TENM2: variants seen among roughly 807,000 people sequenced by gnomAD.
TENM2 encodes teneurin transmembrane protein 2, also known as teneurin-2.
A neutral mutation model predicts 245.2 loss-of-function variants in TENM2; 52 were observed. The ratio of observed to expected loss-of-function variants is 0.21; its 90% CI spans 0.17 to 0.27. The LOEUF (loss-of-function observed/expected upper bound fraction) is 0.27, where lower values mean the gene tolerates loss of function less well. Among genes scored for constraint, TENM2 ranks in the 10% least tolerant of loss-of-function variants. The pLI, the probability that TENM2 is intolerant of heterozygous loss-of-function variation, is 1.00. For synonymous variants in TENM2, 1,363 were observed against 1,438.9 expected (o/e 0.95, Z 1.19); for missense variants, 3,046 against 3,666.8 (o/e 0.83, Z 4.37).
At chr5:168,142,087 G>C (rs777632766) in intron 12 of TENM2, among the ~76,000 whole-genome samples, 1 of 152,228 alleles carries the variant, frequency 6.6e-6, no homozygotes, top group Non-Finnish European at 1.5e-5. Context: ...CCCAGAGAAA[G>C]AATGTCCATT....
intron 2 of TENM2, among the ~76,000 whole-genome samples, chr5:167,658,208 G>A (rs1417674674): frequency 1.3e-5 from 2 of 150,060 alleles, no homozygotes; most frequent in East Asian, 3.9e-4. Context: ...GCTGTGCGAA[G>A]CCTTTTTTTT....
intron 2 of TENM2, among the ~76,000 whole-genome samples, chr5:167,655,653 C>A (rs1379374187): frequency 1.3e-5 from 2 of 152,162 alleles, no homozygotes; most frequent in Non-Finnish European, 2.9e-5. Context: ...CAAAAATATT[C>A]ATAGATGTGT....
intron 2 of TENM2, among the ~76,000 whole-genome samples, chr5:167,678,724 CAGCAG>C (rs1221076084): frequency 2.0e-5 from 3 of 152,084 alleles, no homozygotes; most frequent in African/African-American, 4.8e-5. Flanking sequence ...GCCAGAATAG[CAGCAG>C]ACAAGACGCC....
chr5:167,782,495 G>A (rs959847192), intron 2 of TENM2, among the ~76,000 whole-genome samples: 3 of 152,040 alleles, frequency 2.0e-5, no homozygotes, highest in African/African-American at 7.2e-5. Flanking sequence ...GCCCTGGGAA[G>A]GTGAGATGGG....
chr5:167,118,934 A>T, the TENM2 span, among the ~76,000 whole-genome samples: 1 of 152,210 alleles, frequency 6.6e-6, no homozygotes, highest in Non-Finnish European at 1.5e-5. Flanking sequence ...GCTGACAAAG[A>T]CTTGGCTAGT....
chr5:167,894,921 AGAAGGAAGGAAGGAAGGAAGGAAGGAAG>A (rs368233260), intron 3 of TENM2, among the ~76,000 whole-genome samples: 54 of 82,956 alleles, frequency 6.5e-4, no homozygotes, highest in African/African-American at 2.1e-3. Context: ...CACCCTGGAA[AGAAGGAAGGAAGGAAGGAAGGAAGGAAG>A]GAAGGAAGGA....
At chr5:167,448,910 T>C (rs913764990) in intron 2 of TENM2, among the ~76,000 whole-genome samples, 4 of 152,048 alleles carry the variant, frequency 2.6e-5, no homozygotes, top group Admixed American at 6.6e-5. Context: ...TGCAAAAATA[T>C]AAAGGAAAAA....
At chr5:167,516,113 C>G (rs1770366710) in intron 2 of TENM2, among the ~76,000 whole-genome samples, 1 of 151,906 alleles carries the variant, frequency 6.6e-6, no homozygotes, top group Non-Finnish European at 1.5e-5. Flanking sequence ...ATATAATATT[C>G]AGGAAAAATG....
chr5:167,492,517 A>T (rs970910510), intron 2 of TENM2, among the ~76,000 whole-genome samples: 9 of 152,162 alleles, frequency 5.9e-5, no homozygotes, highest in African/African-American at 2.2e-4. Context: ...GGTTGTGAGC[A>T]AACAATTTCT....
chr5:167,210,997 A>G, the TENM2 span, among the ~76,000 whole-genome samples: 4 of 152,232 alleles, frequency 2.6e-5, no homozygotes, highest in East Asian at 5.8e-4. Context: ...GTGGGAAGTG[A>G]TGGACGCACA....
At chr5:167,261,263 A>G in the TENM2 span, among the ~76,000 whole-genome samples, 1 of 152,120 alleles carries the variant, frequency 6.6e-6, no homozygotes, top group South Asian at 2.1e-4. Context: ...CATATGACAC[A>G]GAGGTTATGT....
rs113934886 is a variant in TENM2 at position 168,089,478 on chromosome 5, C to T, written c.1516-1096C>T. Among the ~76,000 whole-genome samples, 575 of 152,274 alleles carry T rather than the reference C, an allele frequency of 3.8e-3. 3 individuals carry two copies. The highest frequency in any genetic ancestry group is 0.013 in the African/African-American group (545 of 41,558). ...TTTAGAACAGGCCTCTCTTGGGTCC[C>T]GTTTGACCTCCCCATCCCCTTATCC... is the stretch of plus-strand genomic sequence containing the variant. On this transcript the variant is annotated intron_variant, in intron 7 of 28. Transcript: ENST00000518659.
chr5:168,165,837 G>T (rs768441020), intron 13 of TENM2: 1 of 148,436 alleles, frequency 6.7e-6, no homozygotes, highest in Non-Finnish European at 1.5e-5. Flanking sequence ...TTTATGAAAA[G>T]AAACTCCCAG....
intron 5 of TENM2, chr5:168,033,071 T>G (rs1164211813): frequency 2.0e-5 from 3 of 152,206 alleles, no homozygotes; most frequent in African/African-American, 7.2e-5. Context: ...TAGATTGCTA[T>G]TTTTTCTTTC....
chr5:168,122,227 G>A (rs1467074956), intron 10 of TENM2, among the ~76,000 whole-genome samples: 3 of 152,214 alleles, frequency 2.0e-5, no homozygotes, highest in Admixed American at 6.5e-5. Flanking sequence ...CCCAGGCTGG[G>A]GTGCAGTGGC....
chr5:168,155,236 T>C (rs892159157), intron 12 of TENM2, among the ~76,000 whole-genome samples: 12 of 152,192 alleles, frequency 7.9e-5, no homozygotes, highest in African/African-American at 2.9e-4. Flanking sequence ...CTCCAACACC[T>C]CAGCTATTTT....
At chr5:167,934,902 C>G (rs1247397356) in intron 3 of TENM2, 4 of 985,412 alleles carry the variant, frequency 4.1e-6, no homozygotes, top group Non-Finnish European at 4.8e-6. Flanking sequence ...GCAGGCTGCA[C>G]TGCCCTTGAG....
chr5:167,177,487 C>T, the TENM2 span, among the ~76,000 whole-genome samples: 11 of 152,154 alleles, frequency 7.2e-5, no homozygotes, highest in Non-Finnish European at 1.6e-4. Flanking sequence ...TATTTACTTG[C>T]ATGTATTCCC....
intron 2 of TENM2, among the ~76,000 whole-genome samples, chr5:167,613,062 T>G (rs1361631185): frequency 1.3e-5 from 2 of 152,114 alleles, no homozygotes; most frequent in East Asian, 3.9e-4. Flanking sequence ...ATGCTATCAT[T>G]ATTCAAATTA....
Sources: allele counts gnomAD v4.1 joint callset (sites outside exome capture counted in the v4.1 genomes callset), GRCh38; gene constraint gnomAD v4.1.1; transcripts MANE v1.5; gene names NCBI Gene and HGNC (gene_info 2026-07-23, HGNC 2026-07-21).